PRKCE: variants seen among roughly 807,000 people sequenced by gnomAD.
PRKCE encodes the protein protein kinase C epsilon type.
Under a neutral mutation model 85.4 loss-of-function variants are expected in PRKCE, and 16 were observed. The ratio of observed to expected loss-of-function variants is 0.19; its 90% CI spans 0.13 to 0.28. The LOEUF is 0.28. PRKCE is among the 10% of genes least tolerant of loss of function. The probability of loss-of-function intolerance (pLI) is 1.00; values close to 1 mark genes in which losing one functional copy is unlikely to be tolerated. For missense variants in PRKCE, 573 were observed against 975.2 expected (o/e 0.59, Z 5.49); for synonymous variants, 388 against 371.5 (o/e 1.04, Z -0.51).
At position 46,159,651 on chromosome 2, in the gene PRKCE, C is replaced by G. The variant is rs776568801; in HGVS notation, c.1966C>G (p.Gln656Glu). ...CAAGCGCCTGGGCTGTGTGGCATCG[C>G]AGAATGGCGAGGACGCCATCAAGCA... ...PHKRLGCVAS[Q>E]NGEDAIKQHP... The change falls in exon 14 of 15, where the codon CAG becomes GAG. Residue 656 changes from glutamine to glutamate, a missense_variant. Physicochemically the swap from Gln to Glu is conservative, Grantham distance 29. This residue lies in a region of PRKCE where 72 missense variants were observed against 166.0 expected (regional missense o/e 0.43). Transcript: ENST00000306156. The surrounding 1 kb of genome is among the most constrained non-coding windows in gnomAD (Gnocchi z 4.1). The G allele has an allele frequency of 6.3e-7, 1 of 1,599,412 alleles. No homozygotes were observed. Among genetic ancestry groups the G allele is most frequent in the Non-Finnish European group, 8.5e-7 (1 of 1,179,858 alleles).
chr2:45,789,850 G>T (rs573368184), intron 1 of PRKCE, among the ~76,000 whole-genome samples: 75 of 152,304 alleles, frequency 4.9e-4, no homozygotes, highest in African/African-American at 1.7e-3. Context: ...TTTAAAAAAT[G>T]TATTAGTATC....
At chr2:46,034,006 A>G (rs960937618) in intron 10 of PRKCE, among the ~76,000 whole-genome samples, 1 of 152,228 alleles carries the variant, frequency 6.6e-6, no homozygotes, top group African/African-American at 2.4e-5. Flanking sequence ...TAATGTACCT[A>G]AAACAGGCAC....
At chr2:46,146,523 G>T (rs868205771) in intron 12 of PRKCE, among the ~76,000 whole-genome samples, 2 of 152,236 alleles carry the variant, frequency 1.3e-5, no homozygotes, top group Admixed American at 6.5e-5. Context: ...ATCAGGAAAG[G>T]CTTCTTGGAG....
intron 1 of PRKCE, among the ~76,000 whole-genome samples, chr2:45,756,024 G>T (rs1471974024): frequency 6.6e-6 from 1 of 152,180 alleles, no homozygotes; most frequent in South Asian, 2.1e-4. Context: ...CAGCTAATTC[G>T]CTGGGAACCA....
chr2:45,984,565 G>C lies in PRKCE; in HGVS notation c.708G>C (p.Arg236=), dbSNP rs769781580. 2 of 1,599,698 alleles carry C rather than the reference G, an allele frequency of 1.3e-6. No individual in the cohort carries two copies. Among genetic ancestry groups the C allele is most frequent in the Non-Finnish European group, 1.7e-6 (2 of 1,179,896 alleles). ...QETPDQVGSQ[R]FSVNMPHKFG... Reference sequence around the variant, plus strand: ...CATCCCTGCAGGTGGGCTCCCAGCGGTTCAGCGTCAACATGCCCCACAAGT... The same window carrying C: ...CATCCCTGCAGGTGGGCTCCCAGCGCTTCAGCGTCAACATGCCCCACAAGT... The change falls in exon 6 of 15, where the codon CGG becomes CGC. Residue 236 remains arginine (R), a synonymous_variant. Coordinates refer to ENST00000306156, the MANE Select transcript of PRKCE (RefSeq NM_005400.3).
intron 10 of PRKCE, among the ~76,000 whole-genome samples, chr2:46,011,130 A>G (rs997134529): frequency 6.6e-6 from 1 of 152,244 alleles, no homozygotes; most frequent in Non-Finnish European, 1.5e-5. Context: ...TTTAGTAAAG[A>G]AACAGCAATG....
At chr2:46,028,346 T>C (rs956632851) in intron 10 of PRKCE, among the ~76,000 whole-genome samples, 1 of 152,264 alleles carries the variant, frequency 6.6e-6, no homozygotes, top group Non-Finnish European at 1.5e-5. Flanking sequence ...ATTTGTGTTT[T>C]GCAACATGTT....
At chr2:46,019,507 T>C (rs1053237933) in intron 10 of PRKCE, among the ~76,000 whole-genome samples, 8 of 152,238 alleles carry the variant, frequency 5.3e-5, no homozygotes, top group Non-Finnish European at 8.8e-5. Context: ...CTTAAACATA[T>C]GTATAGCTCA....
intron 2 of PRKCE, among the ~76,000 whole-genome samples, chr2:45,869,808 A>G (rs1315138332): frequency 6.8e-6 from 1 of 146,024 alleles, no homozygotes. Context: ...CCTGGGTTCA[A>G]GCAATTCTCC....
At position 46,124,734 on chromosome 2, in the gene PRKCE, C is replaced by T. The variant is rs533395905; in HGVS notation, c.1593-20359C>T. Among the ~76,000 whole-genome samples, 18 of 152,330 alleles carry T rather than the reference C, an allele frequency of 1.2e-4. No individual in the cohort carries two copies. In the Middle Eastern group the frequency reaches 0.014, roughly 115 times the overall value. On this transcript the variant is annotated intron_variant, in intron 11 of 14. Coordinates refer to ENST00000306156, the MANE Select transcript of PRKCE (RefSeq NM_005400.3). ...CTACAAACTCTTTGAAGACTGGGCT[C>T]ATTCCCAGTCTTCTATCTCTCTGAT...
chr2:45,731,789 A>G (rs1681601899), intron 1 of PRKCE, among the ~76,000 whole-genome samples: 1 of 151,984 alleles, frequency 6.6e-6, no homozygotes, highest in South Asian at 2.1e-4. Context: ...ACACCTGGCT[A>G]GAATTTTTTG....
At chr2:45,842,949 G>C (rs772682344) in intron 1 of PRKCE, 51 bp from the exon 2 acceptor site, 2 of 1,538,822 alleles carry the variant, frequency 1.3e-6, no homozygotes, top group Non-Finnish European at 1.8e-6. Flanking sequence ...GGAACTCTTA[G>C]GTTGCCCACA....
At chr2:45,839,330 C>T (rs993559056) in intron 1 of PRKCE, among the ~76,000 whole-genome samples, 4 of 152,006 alleles carry the variant, frequency 2.6e-5, no homozygotes, top group Middle Eastern at 3.4e-3. Context: ...TTGTCTCCCC[C>T]AGTTTGACTG....
chr2:45,922,303 TA>T (rs1698306331), intron 2 of PRKCE, among the ~76,000 whole-genome samples: 1 of 152,192 alleles, frequency 6.6e-6, no homozygotes, highest in African/African-American at 2.4e-5. Context: ...ATGCAGTGCT[TA>T]ATGGAAAAGA....
intron 1 of PRKCE, among the ~76,000 whole-genome samples, chr2:45,695,697 G>A (rs569312067): frequency 3.9e-5 from 6 of 152,272 alleles, no homozygotes; most frequent in East Asian, 1.9e-4. Flanking sequence ...TCTTGAACCC[G>A]GAGGCGGAGG....
chr2:46,085,859 A>G (rs763865043), intron 10 of PRKCE, among the ~76,000 whole-genome samples: 1 of 151,644 alleles, frequency 6.6e-6, no homozygotes, highest in African/African-American at 2.4e-5. Context: ...ACACATATAA[A>G]GACAACTGGA....
chr2:45,664,673 T>G (rs1196575545), intron 1 of PRKCE, among the ~76,000 whole-genome samples: 2 of 152,246 alleles, frequency 1.3e-5, no homozygotes, highest in Non-Finnish European at 2.9e-5. Context: ...TTACCTTCCC[T>G]TGGACTGGCT....
chr2:45,815,373 C>A (rs1203386328), intron 1 of PRKCE, among the ~76,000 whole-genome samples: 1 of 152,206 alleles, frequency 6.6e-6, no homozygotes, highest in Admixed American at 6.5e-5. Context: ...ATCCTTTGTT[C>A]TCCTCAGAAG....
At chr2:46,183,289 C>T (rs990480994) in intron 14 of PRKCE, among the ~76,000 whole-genome samples, 2 of 152,204 alleles carry the variant, frequency 1.3e-5, no homozygotes, top group African/African-American at 4.8e-5. Context: ...CATAGCAAAT[C>T]TCCAAGAGCA....
Sources: gnomAD v4.1 joint callset for allele counts (sites outside exome capture counted in the v4.1 genomes callset) on GRCh38, gnomAD v4.1.1 for gene constraint, gnomAD v4.1.1 regional missense constraint, Gnocchi (gnomAD v3.1) non-coding constraint, MANE v1.5 for transcripts, NCBI Gene and HGNC (gene_info 2026-07-23, HGNC 2026-07-21) for gene names.